The following GPR63 variants were observed in gnomAD, a reference collection of about 807,000 sequenced individuals.
The protein encoded by GPR63 is G protein-coupled receptor 63.
In GPR63, 12 loss-of-function variants were observed where a neutral mutation model predicts 23.1. The ratio of observed to expected loss-of-function variants is 0.52; its 90% CI spans 0.33 to 0.84. The LOEUF is 0.84. Ranked by LOEUF, GPR63 falls within the 40% of genes least tolerant of loss-of-function variation. GPR63 has a pLI of 0.02. For synonymous variants in GPR63, 172 were observed against 191.1 expected (o/e 0.90, Z 0.82); for missense variants, 472 against 515.6 (o/e 0.92, Z 0.82).
Position 96,798,563 on chromosome 6 carries a change from A to G in GPR63, c.1169T>C (p.Phe390Ser), listed in dbSNP as rs1430086482. The change falls in exon 2 of 2, where the codon TTC becomes TCC. Residue 390 changes from phenylalanine (F) to serine (S), a missense_variant. Phe to Ser is a radical substitution (Grantham distance 155). Transcript: ENST00000229955. ...ACCAGGGAGCTGCGGCAAAAACTTG[A>G]AGGACTTAGGCATCATGTCCAGGCA... ...DACLDMMPKS[F>S]KFLPQLPGHT... The G allele has an allele frequency of 6.2e-7, 1 of 1,614,198 alleles. No individual in the cohort carries two copies. Among genetic ancestry groups the G allele is most frequent in the South Asian group, 1.1e-5 (1 of 91,084 alleles).
intron 1 of GPR63, among the ~76,000 whole-genome samples, chr6:96,819,917 AGTGAGCTGATATCG>A (rs942244408): frequency 3.5e-5 from 5 of 141,370 alleles, no homozygotes; most frequent in Non-Finnish European, 7.6e-5. Flanking sequence ...CGGAGCTTGC[AGTGAGCTGATATCG>A]CTCACTGCAC....
intron 1 of GPR63, among the ~76,000 whole-genome samples, 162 bp downstream of exon 1, chr6:96,837,106 C>G (rs1241596331): frequency 6.6e-6 from 1 of 152,172 alleles, no homozygotes; most frequent in Non-Finnish European, 1.5e-5. Flanking sequence ...AAAACCCAAG[C>G]TTCTCCGGCA....
In GPR63 at chr6:96,837,300, G is replaced by C. The variant is rs981016596; in HGVS notation, c.-183C>G. 1 of 152,456 alleles carries C rather than the reference G, an allele frequency of 6.6e-6. No individual in the cohort carries two copies. Among genetic ancestry groups the C allele is most frequent in the Non-Finnish European group, 1.5e-5 (1 of 68,254 alleles). 9.4% of individuals were successfully genotyped at this position (152,456 alleles called of 1,614,324 possible). ...GAAGGGCAGCGCGCGGGCGCCCGCG[G>C]AAGAGCCCAGGGAGCATGGCTCCAT... is the stretch of plus-strand genomic sequence containing the variant. On this transcript the variant is annotated 5_prime_UTR_variant, in exon 1 of 2. Coordinates refer to ENST00000229955, the MANE Select transcript of GPR63 (RefSeq NM_030784.4).
At chr6:96,819,690 AAAAG>A (rs1188863599) in intron 1 of GPR63, among the ~76,000 whole-genome samples, 4 of 151,824 alleles carry the variant, frequency 2.6e-5, no homozygotes, top group Non-Finnish European at 4.4e-5. Flanking sequence ...AAATAAAATA[AAAAG>A]AAAGAAAAAG....
chr6:96,800,285 T>A (rs1460173783), intron 1 of GPR63, among the ~76,000 whole-genome samples: 2 of 152,180 alleles, frequency 1.3e-5, no homozygotes, highest in Non-Finnish European at 2.9e-5. Flanking sequence ...TATTTTTTTT[T>A]AATTAATAGT....
intron 1 of GPR63, among the ~76,000 whole-genome samples, chr6:96,822,269 G>A (rs928676408): frequency 1.3e-5 from 2 of 152,102 alleles, no homozygotes; most frequent in African/African-American, 4.8e-5. Context: ...TAGGATTGGT[G>A]AAGAGCAATG....
chr6:96,831,911 A>T (rs1163393732), intron 1 of GPR63, among the ~76,000 whole-genome samples: 1 of 152,006 alleles, frequency 6.6e-6, no homozygotes, highest in African/African-American at 2.4e-5. Context: ...GTCACAAAAA[A>T]AAAATAAAAA....
In GPR63 at chr6:96,798,817, G is replaced by A. The variant is rs1773668361; in HGVS notation, c.915C>T (p.Asp305=). The change falls in exon 2 of 2, where the codon GAC becomes GAT. Residue 305 remains aspartate (D), a synonymous_variant. Transcript: ENST00000229955. ...TGAAGGCACGTGTTTTAAAGCCCAT[G>A]TCAATGCTCATCTGGAAAGGTCTCT... ...SLQRPFQMSI[D]MGFKTRAFTT... The A allele has an allele frequency of 6.2e-7, 1 of 1,614,078 alleles. No individual in the cohort carries two copies. Among genetic ancestry groups the A allele is most frequent in the East Asian group, 2.2e-5 (1 of 44,896 alleles).
chr6:96,827,698 C>T (rs1431248822), intron 1 of GPR63, among the ~76,000 whole-genome samples: 5 of 152,008 alleles, frequency 3.3e-5, no homozygotes, highest in Admixed American at 3.3e-4. Context: ...AGCTTGACTG[C>T]TTTATTCTCA....
chr6:96,801,063 G>A (rs916736587), intron 1 of GPR63, among the ~76,000 whole-genome samples: 1 of 152,184 alleles, frequency 6.6e-6, no homozygotes, highest in African/African-American at 2.4e-5. Context: ...TTACTGGAGA[G>A]GTAACCTCTT....
At chr6:96,805,330 T>C (rs1292126260) in intron 1 of GPR63, among the ~76,000 whole-genome samples, 1 of 152,090 alleles carries the variant, frequency 6.6e-6, no homozygotes, top group African/African-American at 2.4e-5. Context: ...AGATCTTGTG[T>C]GAACTCAGTG....
At chr6:96,818,272 G>A (rs1265428955) in intron 1 of GPR63, among the ~76,000 whole-genome samples, 1 of 151,998 alleles carries the variant, frequency 6.6e-6, no homozygotes, top group African/African-American at 2.4e-5. Flanking sequence ...GACCAGCCTG[G>A]CCAACATGGT....
Position 96,799,705 on chromosome 6 carries a change from C to T in GPR63, c.27G>A (p.Ala9=), listed in dbSNP as rs756539591. 27 of 1,614,022 alleles carry T rather than the reference C, an allele frequency of 1.7e-5. 1 individual carries two copies. Among genetic ancestry groups the T allele is most frequent in the South Asian group, 1.3e-4 (12 of 91,086 alleles). MVFSAVLT[A]FHTGTSNTTF... is the part of the protein sequence containing the mutation. ...TTGTGTTGGATGTCCCGGTATGGAA[C>T]GCAGTCAACACTGCCGAGAAGACCA... The change falls in exon 2 of 2, where the codon GCG becomes GCA. Residue 9 remains alanine, a synonymous_variant. Transcript: ENST00000229955.
At chr6:96,830,507 G>A (rs1003406204) in intron 1 of GPR63, among the ~76,000 whole-genome samples, 2 of 152,078 alleles carry the variant, frequency 1.3e-5, no homozygotes, top group African/African-American at 4.8e-5. Flanking sequence ...CTAAAACAGA[G>A]GTAAGTACCA....
chr6:96,796,017 T>C lies in GPR63; in HGVS notation c.*2455A>G, dbSNP rs1309772547. The C allele has an allele frequency of 6.6e-6, 1 of 152,124 alleles. No homozygotes were observed. Among genetic ancestry groups the C allele is most frequent in the Non-Finnish European group, 1.5e-5 (1 of 68,030 alleles). 9.4% of individuals were successfully genotyped at this position (152,124 alleles called of 1,614,324 possible). ...AATCCCAAAACAACATGTTGAATAA[T>C]ATGCTTGAGTCCCCAAAGAGCTCTT... On this transcript the variant is annotated 3_prime_UTR_variant, in exon 2 of 2. Coordinates refer to ENST00000229955, the MANE Select transcript of GPR63 (RefSeq NM_030784.4).
At chr6:96,818,916 A>T (rs1301466186) in intron 1 of GPR63, among the ~76,000 whole-genome samples, 1 of 152,262 alleles carries the variant, frequency 6.6e-6, no homozygotes, top group East Asian at 1.9e-4. Flanking sequence ...AACATAGGAA[A>T]AAAAGCTCAT....
intron 1 of GPR63, among the ~76,000 whole-genome samples, chr6:96,804,467 ATATT>A (rs1253540720): frequency 2.0e-5 from 3 of 152,198 alleles, no homozygotes; most frequent in African/African-American, 7.2e-5. Flanking sequence ...ATTCTGATAA[ATATT>A]TAGATAACTA....
In GPR63 at chr6:96,799,718, G is replaced by T; in HGVS notation, c.14C>A (p.Ala5Glu). The T allele has an allele frequency of 6.2e-7, 1 of 1,614,180 alleles. No homozygotes were observed. Among genetic ancestry groups the T allele is most frequent in the Non-Finnish European group, 8.5e-7 (1 of 1,180,016 alleles). MVFS[A>E]VLTAFHTGTS... is the part of the protein sequence containing the mutation. ...CCCGGTATGGAACGCAGTCAACACT[G>T]CCGAGAAGACCATGGTTTCAGTAGG... is the stretch of plus-strand genomic sequence containing the variant. Residue 5 changes from alanine to glutamate, a missense_variant, in exon 2 of 2, where the codon GCA becomes GAA. By Grantham distance (107) the Ala-to-Glu change is moderately radical. Transcript: ENST00000229955.
Position 96,820,185 on chromosome 6 carries a change from T to TA in GPR63, c.-151+17082dup, listed in dbSNP as rs200473492. Among the ~76,000 whole-genome samples, 434 of 151,830 alleles carry TA rather than the reference T, an allele frequency of 2.9e-3. 1 individual carries two copies. Among genetic ancestry groups the TA allele is most frequent in the South Asian group, 6.3e-3 (30 of 4,798 alleles). The stretch of plus-strand genomic sequence containing the variant: ...TTCAATGATCATAAAACATATTCCT[T>TA]AAAAAAAACTCTGTTCCTTAGGAAA... On this transcript the variant is annotated intron_variant, in intron 1 of 1. Transcript: ENST00000229955.
Sources: gnomAD v4.1 joint callset for allele counts (sites outside exome capture counted in the v4.1 genomes callset) on GRCh38, gnomAD v4.1.1 for gene constraint, MANE v1.5 for transcripts, NCBI Gene and HGNC (gene_info 2026-07-23, HGNC 2026-07-21) for gene names.